The following ZFAND3 variants were observed in gnomAD, a reference collection of about 807,000 sequenced individuals.
ZFAND3 encodes zinc finger AN1-type containing 3, also known as AN1-type zinc finger protein 3.
Under a neutral mutation model 29.6 loss-of-function variants are expected in ZFAND3, and 10 were observed. The ratio of observed to expected loss-of-function variants is 0.34; its 90% CI spans 0.21 to 0.57. The LOEUF is 0.57. Ranked by LOEUF, ZFAND3 falls within the 20% of genes least tolerant of loss-of-function variation. The probability of loss-of-function intolerance (pLI) is 0.86; values close to 1 mark genes in which losing one functional copy is unlikely to be tolerated. For missense variants in ZFAND3, 230 were observed against 304.5 expected (o/e 0.76, Z 1.82); for synonymous variants, 128 against 112.6 (o/e 1.14, Z -0.87).
chr6:37,866,861 C>T (rs191551313), intron 1 of ZFAND3, among the ~76,000 whole-genome samples: 3 of 152,116 alleles, frequency 2.0e-5, no homozygotes, highest in Admixed American at 1.3e-4. Flanking sequence ...CTTCACGAAG[C>T]CTTTTAGGAA....
chr6:37,939,496 A>G (rs1013859339), intron 2 of ZFAND3, among the ~76,000 whole-genome samples: 4 of 152,156 alleles, frequency 2.6e-5, no homozygotes, highest in Admixed American at 2.6e-4. Context: ...TTTTCCCAAA[A>G]TTATCACATT....
At chr6:38,093,851 G>T (rs1026368223) in intron 4 of ZFAND3, among the ~76,000 whole-genome samples, 9 of 152,164 alleles carry the variant, frequency 5.9e-5, no homozygotes, top group African/African-American at 2.2e-4. Context: ...GGGAGAGACA[G>T]GGTCGGGCAT....
intron 2 of ZFAND3, among the ~76,000 whole-genome samples, chr6:37,977,033 A>G (rs1050342530): frequency 6.6e-6 from 1 of 152,164 alleles, no homozygotes; most frequent in African/African-American, 2.4e-5. Flanking sequence ...AATTGTGAGG[A>G]TGCATTCAGA....
At position 37,914,672 on chromosome 6, in the gene ZFAND3, C is replaced by CTTTCTTTTTTTTT. The variant is rs1554157840; in HGVS notation, c.72-15284_72-15283insCTTTTTTTTTTTT. Among the ~76,000 whole-genome samples the CTTTCTTTTTTTTT allele has an allele frequency of 6.1e-5, 7 of 114,210 alleles. 1 individual carries two copies. The highest frequency in any genetic ancestry group is 2.4e-4 in the East Asian group (1 of 4,222). 74.9% of individuals were successfully genotyped at this position (114,210 alleles called of 152,430 possible). A position where few individuals can be genotyped will look rare whatever the true frequency, so the allele number is the denominator to read the frequency against. On this transcript the variant is annotated intron_variant, in intron 1 of 5. Transcript: ENST00000287218. Reference sequence around the variant, plus strand: ...TTTCTTTCTTTCTTTCTTTTTTTTTCTTTTTTTTTTAGTGGAGACGGGGTT... The same window carrying CTTTCTTTTTTTTT: ...TTTCTTTCTTTCTTTCTTTTTTTTTCTTTCTTTTTTTTTTTTTTTTTTTAGTGGAGACGGGGTT...
intron 4 of ZFAND3, among the ~76,000 whole-genome samples, chr6:38,083,651 A>G (rs1764706543): frequency 6.7e-6 from 1 of 148,288 alleles, no homozygotes. Context: ...TTTCCTTCCA[A>G]TCTTGGCCCT....
chr6:37,842,091 C>T (rs1764088563), intron 1 of ZFAND3, among the ~76,000 whole-genome samples: 1 of 152,070 alleles, frequency 6.6e-6, no homozygotes, highest in Non-Finnish European at 1.5e-5. Flanking sequence ...GTACTAATTC[C>T]ATTGATGAGG....
intron 2 of ZFAND3, among the ~76,000 whole-genome samples, chr6:37,953,301 A>G (rs898426293): frequency 8.6e-5 from 13 of 151,970 alleles, no homozygotes; most frequent in East Asian, 5.8e-4. Flanking sequence ...GGTGTATCAT[A>G]TATATTTAAC....
At chr6:37,973,749 G>A (rs1160381017) in intron 2 of ZFAND3, among the ~76,000 whole-genome samples, 1 of 152,230 alleles carries the variant, frequency 6.6e-6, no homozygotes, top group East Asian at 1.9e-4. Context: ...ATGGCCTGGA[G>A]TCAGAAATTG....
rs188788732 is a variant in ZFAND3, at chr6:38,037,477, G to A, written c.113-24116G>A. Among the ~76,000 whole-genome samples, 9 of 152,304 alleles carry A rather than the reference G, an allele frequency of 5.9e-5. No individual in the cohort carries two copies. The East Asian group carries it at 7.7e-4, about 13-fold the overall frequency. ...CCGTCACCATTTCAGAGGTAGATGC[G>A]TATGTAACTTCTTGATAAAAATTTT... On this transcript the variant is annotated intron_variant, in intron 2 of 5. Transcript: ENST00000287218.
intron 2 of ZFAND3, among the ~76,000 whole-genome samples, chr6:38,057,790 T>G (rs1159666640): frequency 6.6e-6 from 1 of 152,174 alleles, no homozygotes; most frequent in Non-Finnish European, 1.5e-5. Context: ...AATGAGAGGA[T>G]TGAGCTGAAT....
intron 1 of ZFAND3, among the ~76,000 whole-genome samples, chr6:37,901,566 C>T (rs913689787): frequency 3.9e-5 from 6 of 151,974 alleles, no homozygotes; most frequent in Middle Eastern, 3.4e-3. Context: ...TGCAGTGAGC[C>T]GACATTGTGC....
intron 1 of ZFAND3, among the ~76,000 whole-genome samples, chr6:37,906,624 G>A (rs1453648294): frequency 6.6e-6 from 1 of 151,808 alleles, no homozygotes. Context: ...TTCCACAGTG[G>A]CTGCACCATT....
In ZFAND3 at chr6:38,068,815, C is replaced by A. The variant is rs116473560; in HGVS notation, c.295+7040C>A. ...GTTTCCAGGTGCTGACTGGATTTTC[C>A]TTTAATATGACACTGATTCCCAAAA... is the stretch of plus-strand genomic sequence containing the variant. On this transcript the variant is annotated intron_variant, in intron 3 of 5. Coordinates refer to ENST00000287218, the MANE Select transcript of ZFAND3 (RefSeq NM_021943.3). Among the ~76,000 whole-genome samples, 470 of 152,284 alleles carry A rather than the reference C, an allele frequency of 3.1e-3. 3 individuals are homozygous for A. The highest frequency in any genetic ancestry group is 0.011 in the African/African-American group (447 of 41,566).
chr6:37,846,719 T>G (rs201236883), intron 1 of ZFAND3, among the ~76,000 whole-genome samples: 6 of 145,036 alleles, frequency 4.1e-5, no homozygotes, highest in Non-Finnish European at 7.6e-5. Flanking sequence ...TTTTTTTTTG[T>G]TTTTTTTTTT....
chr6:38,104,268 G>C (rs1174399114), intron 4 of ZFAND3, among the ~76,000 whole-genome samples: 1 of 152,116 alleles, frequency 6.6e-6, no homozygotes, highest in African/African-American at 2.4e-5. Flanking sequence ...TGCCTTTTTG[G>C]TAAAGAGACC....
chr6:38,128,496 C>T (rs1765679365), intron 5 of ZFAND3, among the ~76,000 whole-genome samples: 1 of 152,180 alleles, frequency 6.6e-6, no homozygotes, highest in South Asian at 2.1e-4. Flanking sequence ...CCCACCCTTT[C>T]CCCCTGAGTC....
At chr6:37,880,222 C>G (rs2127391617) in intron 1 of ZFAND3, among the ~76,000 whole-genome samples, 1 of 152,348 alleles carries the variant, frequency 6.6e-6, no homozygotes, top group Middle Eastern at 3.4e-3. Context: ...ACTGTATTAA[C>G]AGCTTTAGAA....
intron 1 of ZFAND3, among the ~76,000 whole-genome samples, chr6:37,839,854 T>C (rs945667396): frequency 6.6e-6 from 1 of 152,160 alleles, no homozygotes; most frequent in East Asian, 1.9e-4. Flanking sequence ...TAGTTATTTA[T>C]CAGATACAGG....
At chr6:38,052,753 C>A (rs1764050682) in intron 2 of ZFAND3, among the ~76,000 whole-genome samples, 1 of 151,962 alleles carries the variant, frequency 6.6e-6, no homozygotes, top group Admixed American at 6.5e-5. Context: ...TCCATGTTGA[C>A]CGCCGGGCGT....
Sources: gnomAD v4.1 joint callset for allele counts (sites outside exome capture counted in the v4.1 genomes callset) on GRCh38, gnomAD v4.1.1 for gene constraint, MANE v1.5 for transcripts, NCBI Gene and HGNC (gene_info 2026-07-23, HGNC 2026-07-21) for gene names.